CSMD1: variants seen among roughly 807,000 people sequenced by gnomAD.
The protein encoded by CSMD1 is CUB and Sushi multiple domains 1, also known as CUB and sushi domain-containing protein 1.
CSMD1 carries 213 observed loss-of-function variants against 417.5 expected under a neutral mutation model. That is an observed-to-expected ratio of 0.51 (90% CI 0.46 to 0.57). CSMD1 has a LOEUF of 0.57. CSMD1 is among the 20% of genes least tolerant of loss of function. CSMD1 has a pLI of 0.00. For missense variants in CSMD1, 6,923 were observed against 4,529.7 expected, an observed-to-expected ratio of 1.53 and a Z score of -15.17; for synonymous variants, 2,862 against 1,736.8, an observed-to-expected ratio of 1.65 and a Z score of -16.11.
At chr8:4,247,850 C>A (rs1470338280) in intron 3 of CSMD1, among the ~76,000 whole-genome samples, 2 of 152,136 alleles carry the variant, frequency 1.3e-5, no homozygotes, top group African/African-American at 2.4e-5. Flanking sequence ...TAAATTCTAT[C>A]ACATCGTTAT....
At chr8:3,263,208 C>G (rs1801204359) in intron 26 of CSMD1, among the ~76,000 whole-genome samples, 1 of 152,196 alleles carries the variant, frequency 6.6e-6, no homozygotes. Flanking sequence ...AAGCGATTCT[C>G]CTGCCTCAGC....
chr8:3,626,846 A>G (rs1035414758), intron 7 of CSMD1, among the ~76,000 whole-genome samples: 2 of 149,602 alleles, frequency 1.3e-5, no homozygotes, highest in African/African-American at 4.9e-5. Flanking sequence ...AATATATACA[A>G]TAAATAAGTG....
chr8:4,488,397 G>T (rs575888080), intron 2 of CSMD1, among the ~76,000 whole-genome samples: 2 of 152,102 alleles, frequency 1.3e-5, no homozygotes, highest in East Asian at 1.9e-4. Flanking sequence ...AATAACCTGT[G>T]GGGGGCTTGA....
intron 3 of CSMD1, among the ~76,000 whole-genome samples, chr8:4,398,882 C>G (rs1357793472): frequency 6.6e-6 from 1 of 152,112 alleles, no homozygotes; most frequent in East Asian, 1.9e-4. Context: ...AACTGACATT[C>G]TCAATAAAAA....
chr8:3,355,098 T>C (rs1023241852), intron 21 of CSMD1, among the ~76,000 whole-genome samples: 3 of 152,178 alleles, frequency 2.0e-5, no homozygotes, highest in African/African-American at 7.2e-5. Flanking sequence ...TTGATATTTT[T>C]TCGTTTTTTA....
chr8:4,052,046 C>G (rs1172771533), intron 3 of CSMD1, among the ~76,000 whole-genome samples: 1 of 151,984 alleles, frequency 6.6e-6, no homozygotes, highest in African/African-American at 2.4e-5. Context: ...AGGGATTATC[C>G]TGCCTCAGCC....
intron 3 of CSMD1, among the ~76,000 whole-genome samples, chr8:4,181,889 C>T (rs1440530743): frequency 6.6e-6 from 1 of 152,090 alleles, no homozygotes; most frequent in Non-Finnish European, 1.5e-5. Flanking sequence ...CATGATTTCA[C>T]AGTGATAACC....
At chr8:4,789,974 T>C (rs943919940) in intron 1 of CSMD1, among the ~76,000 whole-genome samples, 1 of 152,214 alleles carries the variant, frequency 6.6e-6, no homozygotes, top group Non-Finnish European at 1.5e-5. Context: ...GCTATTTCTC[T>C]CTTCCCTTCA....
At chr8:3,617,560 T>C (rs887176696) in intron 7 of CSMD1, among the ~76,000 whole-genome samples, 2 of 152,184 alleles carry the variant, frequency 1.3e-5, no homozygotes, top group African/African-American at 2.4e-5. Context: ...GGAGTACTTC[T>C]GGGAAACATT....
intron 1 of CSMD1, among the ~76,000 whole-genome samples, chr8:4,805,772 G>A (rs1379557095): frequency 6.6e-6 from 1 of 152,128 alleles, no homozygotes; most frequent in Admixed American, 6.5e-5. Context: ...ATGAATACAG[G>A]ATGATTCAGG....
At chr8:3,615,647 G>A (rs1044743402) in intron 8 of CSMD1, among the ~76,000 whole-genome samples, 6 of 152,038 alleles carry the variant, frequency 3.9e-5, no homozygotes, top group Admixed American at 1.3e-4. Flanking sequence ...TAAAACGACC[G>A]TTGTTACTCC....
intron 1 of CSMD1, among the ~76,000 whole-genome samples, chr8:4,663,171 G>C (rs978430668): frequency 2.0e-5 from 3 of 152,146 alleles, no homozygotes; most frequent in African/African-American, 7.2e-5. Context: ...CACTGGATCA[G>C]CTGGGAAGTG....
intron 7 of CSMD1, among the ~76,000 whole-genome samples, chr8:3,670,147 T>C (rs1462044460): frequency 1.3e-5 from 2 of 151,894 alleles, no homozygotes; most frequent in East Asian, 3.9e-4. Flanking sequence ...CCAAAGGAGA[T>C]TAATATTTGA....
chr8:2,993,843 C>T (rs773684276), intron 54 of CSMD1, among the ~76,000 whole-genome samples: 10 of 151,978 alleles, frequency 6.6e-5, no homozygotes, highest in South Asian at 2.1e-4. Context: ...AGACAAGGCT[C>T]GTGATGTTAT....
At position 4,509,970 on chromosome 8, in the gene CSMD1, A is replaced by G. The variant is rs538330707; in HGVS notation, c.303-89905T>C. Among the ~76,000 whole-genome samples, 9 of 152,190 alleles carry G rather than the reference A, an allele frequency of 5.9e-5. No homozygotes were observed. The South Asian group carries it at 6.2e-4, about 11-fold the overall frequency. ...TATTTTATGATTTTGCTGTGTCTCC[A>G]CCCAAATCTCATGGTGAAATGTAAC... is the stretch of plus-strand genomic sequence containing the variant. On this transcript the variant is annotated intron_variant, in intron 2 of 69. Coordinates refer to ENST00000635120, the MANE Select transcript of CSMD1 (RefSeq NM_033225.6).
intron 5 of CSMD1, among the ~76,000 whole-genome samples, chr8:3,939,326 G>A (rs888196697): frequency 6.6e-6 from 1 of 152,106 alleles, no homozygotes; most frequent in African/African-American, 2.4e-5. Flanking sequence ...CCTTACTCCT[G>A]TAAAAATGGT....
chr8:4,061,109 A>C (rs1798949066), intron 3 of CSMD1, among the ~76,000 whole-genome samples: 1 of 152,182 alleles, frequency 6.6e-6, no homozygotes, highest in African/African-American at 2.4e-5. Context: ...TCTTATGGAG[A>C]ATATAAAGAT....
chr8:3,474,470 C>A (rs760352076), intron 11 of CSMD1, among the ~76,000 whole-genome samples: 1 of 152,142 alleles, frequency 6.6e-6, no homozygotes, highest in Non-Finnish European at 1.5e-5. Context: ...ACTCATCCAT[C>A]CACCAAAAAT....
At chr8:3,322,665 T>C (rs180926992) in intron 23 of CSMD1, among the ~76,000 whole-genome samples, 1 of 152,260 alleles carries the variant, frequency 6.6e-6, no homozygotes, top group Non-Finnish European at 1.5e-5. Context: ...CCTCCAGGTG[T>C]GGTTGCATTA....
Sources: gnomAD v4.1 joint callset for allele counts (sites outside exome capture counted in the v4.1 genomes callset) on GRCh38, gnomAD v4.1.1 for gene constraint, MANE v1.5 for transcripts, NCBI Gene and HGNC (gene_info 2026-07-23, HGNC 2026-07-21) for gene names.